TMEM131: variants seen among roughly 807,000 people sequenced by gnomAD.
TMEM131 encodes 2610524E03Rik.
Under a neutral mutation model 211.6 loss-of-function variants are expected in TMEM131, and 66 were observed. The ratio of observed to expected loss-of-function variants is 0.31; its 90% confidence interval spans 0.26 to 0.38. TMEM131 has a LOEUF of 0.38. Ranked by LOEUF, TMEM131 falls within the 10% of genes least tolerant of loss-of-function variation. The pLI, the probability that TMEM131 is intolerant of heterozygous loss-of-function variation, is 1.00. For synonymous variants in TMEM131, 844 were observed against 841.3 expected, an observed-to-expected ratio of 1.00 and a Z score of -0.06; for missense variants, 2,036 against 2,299.3, an observed-to-expected ratio of 0.89 and a Z score of 2.34.
chr2:97,960,661 A>C (rs544971607), intron 1 of TMEM131, among the ~76,000 whole-genome samples: 1 of 152,310 alleles, frequency 6.6e-6, no homozygotes, highest in East Asian at 1.9e-4. Flanking sequence ...CAACATTGTA[A>C]GAAAAATCCT....
chr2:97,789,919 A>G (rs1212870221), intron 31 of TMEM131, among the ~76,000 whole-genome samples: 1 of 152,242 alleles, frequency 6.6e-6, no homozygotes, highest in East Asian at 1.9e-4. Context: ...GAGATGGCAT[A>G]GCATGGCTGT....
chr2:97,777,498 C>T lies in TMEM131; in HGVS notation c.4145-1480G>A, dbSNP rs148981050. Among the ~76,000 whole-genome samples, 291 of 152,224 alleles carry T rather than the reference C, an allele frequency of 1.9e-3. 1 individual carries two copies. Among genetic ancestry groups the T allele is most frequent in the Admixed American group, 2.8e-3 (43 of 15,292 alleles). Reference sequence around the variant, plus strand: ...ATTTTTGAAGTGGTCGAAAAAAAGACACAAATAAGAAGAGGCAACAGAGAT... The same window carrying T: ...ATTTTTGAAGTGGTCGAAAAAAAGATACAAATAAGAAGAGGCAACAGAGAT... On this transcript the variant is annotated intron_variant, in intron 31 of 40. Coordinates refer to ENST00000186436, the MANE Select transcript of TMEM131 (RefSeq NM_015348.2).
At chr2:97,781,929 T>C (rs1436554332) in intron 31 of TMEM131, among the ~76,000 whole-genome samples, 1 of 152,296 alleles carries the variant, frequency 6.6e-6, no homozygotes, top group East Asian at 1.9e-4. Flanking sequence ...CGGTAAGAAC[T>C]GGGGTGCCAT....
intron 2 of TMEM131, among the ~76,000 whole-genome samples, chr2:97,922,154 C>A (rs563375200): frequency 6.6e-6 from 1 of 152,246 alleles, no homozygotes; most frequent in East Asian, 1.9e-4. Flanking sequence ...TCCTAAGGCA[C>A]GCGCACAACC....
intron 1 of TMEM131, among the ~76,000 whole-genome samples, chr2:97,969,077 ACT>A (rs1394097950): frequency 8.9e-6 from 1 of 112,718 alleles, no homozygotes; most frequent in Non-Finnish European, 1.9e-5. Flanking sequence ...ACAGAGACAG[ACT>A]CTGTTTCAAA....
intron 33 of TMEM131, among the ~76,000 whole-genome samples, chr2:97,770,921 T>C (rs979372031): frequency 2.6e-5 from 4 of 152,224 alleles, no homozygotes; most frequent in African/African-American, 9.6e-5. Flanking sequence ...CTTTAAAATA[T>C]CTGATCACTC....
intron 2 of TMEM131, among the ~76,000 whole-genome samples, chr2:97,914,549 C>G (rs919728155): frequency 1.3e-5 from 2 of 152,196 alleles, no homozygotes. Context: ...GCCCTTCCCC[C>G]CAAGCCCTGG....
chr2:97,855,654 C>T (rs780548123), intron 5 of TMEM131, among the ~76,000 whole-genome samples: 11 of 150,282 alleles, frequency 7.3e-5, no homozygotes, highest in Non-Finnish European at 1.2e-4. Context: ...GAGCTGAGAT[C>T]ATGCCACTGC....
At chr2:97,803,546 A>G (rs1681141093) in intron 22 of TMEM131, among the ~76,000 whole-genome samples, 1 of 152,262 alleles carries the variant, frequency 6.6e-6, no homozygotes, top group South Asian at 2.1e-4. Context: ...ACGCTGAAGC[A>G]TATTTTAACC....
At chr2:97,845,427 G>C (rs1683378583) in intron 5 of TMEM131, among the ~76,000 whole-genome samples, 1 of 152,068 alleles carries the variant, frequency 6.6e-6, no homozygotes, top group Non-Finnish European at 1.5e-5. Context: ...ATTAGCAACA[G>C]AAAGATACCC....
chr2:97,779,338 T>C (rs571736594), intron 31 of TMEM131, among the ~76,000 whole-genome samples: 1 of 152,354 alleles, frequency 6.6e-6, no homozygotes, highest in East Asian at 1.9e-4. Context: ...ACCTGACTGA[T>C]AAGACTGGAT....
intron 1 of TMEM131, among the ~76,000 whole-genome samples, chr2:97,928,056 C>T (rs922610035): frequency 5.9e-5 from 9 of 152,124 alleles, no homozygotes; most frequent in Middle Eastern, 3.2e-3. Context: ...ATCTGGCGAT[C>T]GTGCTTCTGG....
chr2:97,952,643 G>A (rs573201445), intron 1 of TMEM131, among the ~76,000 whole-genome samples: 4 of 152,272 alleles, frequency 2.6e-5, no homozygotes, highest in South Asian at 2.1e-4. Context: ...TTGGGAGGCC[G>A]AGGCGGGAGG....
Position 97,811,252 on chromosome 2 carries a change from T to C in TMEM131, c.1864-20A>G, listed in dbSNP as rs1346173414. Reference sequence around the variant, plus strand: ...TGTTACCTGTAGATAGTAGAAATGGTATCATTCATTAGCCTTGTTAGTTGA... The same window carrying C: ...TGTTACCTGTAGATAGTAGAAATGGCATCATTCATTAGCCTTGTTAGTTGA... On this transcript the variant is annotated intron_variant, in intron 17 of 40. Coordinates refer to ENST00000186436, the MANE Select transcript of TMEM131 (RefSeq NM_015348.2). 1 of 1,567,934 alleles carries C rather than the reference T, an allele frequency of 6.4e-7. No homozygotes were observed. Among genetic ancestry groups the C allele is most frequent in the South Asian group, 1.1e-5 (1 of 89,994 alleles).
intron 19 of TMEM131, among the ~76,000 whole-genome samples, chr2:97,806,805 C>T (rs1370665513): frequency 6.6e-6 from 1 of 152,106 alleles, no homozygotes; most frequent in Non-Finnish European, 1.5e-5. Context: ...ATAAAAAATA[C>T]AGAAGTGAAG....
chr2:97,896,140 A>G (rs1675602520), intron 3 of TMEM131, among the ~76,000 whole-genome samples: 2 of 152,146 alleles, frequency 1.3e-5, no homozygotes, highest in Non-Finnish European at 2.9e-5. Context: ...GTCATTCAGG[A>G]GCAGGTTGTT....
intron 1 of TMEM131, among the ~76,000 whole-genome samples, chr2:97,973,505 G>A (rs1222320163): frequency 4.6e-5 from 7 of 152,152 alleles, no homozygotes; most frequent in African/African-American, 1.2e-4. Flanking sequence ...AGAGTCCGAG[G>A]AAACCAAGGC....
At chr2:97,943,065 GAAAGAAAGAAAGAAAGAA>G (rs1677863097) in intron 1 of TMEM131, among the ~76,000 whole-genome samples, 1 of 92,070 alleles carries the variant, frequency 1.1e-5, no homozygotes, top group Non-Finnish European at 2.6e-5. Context: ...AAGAAAGAAA[GAAAGAAAGAAAGAAAGAA>G]AGAAAGAAAG....
intron 1 of TMEM131, among the ~76,000 whole-genome samples, chr2:97,986,951 T>C (rs1680052094): frequency 6.6e-6 from 1 of 152,238 alleles, no homozygotes; most frequent in Admixed American, 6.5e-5. Flanking sequence ...GTACCATGAA[T>C]AATTGCCTAG....
Sources: allele counts gnomAD v4.1 joint callset (sites outside exome capture counted in the v4.1 genomes callset), GRCh38; gene constraint gnomAD v4.1.1; transcripts MANE v1.5; gene names NCBI Gene and HGNC (gene_info 2026-07-23, HGNC 2026-07-21).